Variants in TMC6 observed in about 807,000 individuals in gnomAD.
TMC6 encodes the protein transmembrane channel-like protein 6.
Under a neutral mutation model 95.4 loss-of-function variants are expected in TMC6, and 71 were observed. That is an observed-to-expected ratio of 0.74 (90% CI 0.61 to 0.91). TMC6 has a LOEUF of 0.91. Ranked by LOEUF, TMC6 falls within the 40% of genes least tolerant of loss-of-function variation. TMC6 has a pLI of 0.00. For synonymous variants in TMC6, 514 were observed against 483.1 expected, an observed-to-expected ratio of 1.06 and a Z score of -0.84; for missense variants, 1,074 against 1,079.1, an observed-to-expected ratio of 1.00 and a Z score of 0.07.
chr17:78,120,199 G>T (rs989951893), intron 13 of TMC6: 6 of 282,742 alleles, frequency 2.1e-5, no homozygotes, highest in South Asian at 5.4e-5. Flanking sequence ...TTGCTCTGTC[G>T]CCCGGGCTGG....
upstream of TMC6, chr17:78,131,595 C>A: frequency 6.5e-7 from 1 of 1,546,188 alleles, no homozygotes; most frequent in African/African-American, 1.4e-5. Flanking sequence ...CGAGATGCTG[C>A]TGCCGCGGTC....
In TMC6 at chr17:78,109,387, A is replaced by G. The variant is rs1567975560; in HGVS notation, c.*3761T>C. On this transcript the variant is annotated 3_prime_UTR_variant, in exon 20 of 20. Coordinates refer to ENST00000590602, the MANE Select transcript of TMC6 (RefSeq NM_001127198.5). Reference sequence around the variant, plus strand: ...CTACGCAGGATCCACGTGGAAACAAAGCTGCTTAGCTCTGCATATCAGTGC... The same window carrying G: ...CTACGCAGGATCCACGTGGAAACAAGGCTGCTTAGCTCTGCATATCAGTGC... The G allele has an allele frequency of 2.2e-6, 1 of 450,920 alleles. No individual in the cohort carries two copies. The highest frequency in any genetic ancestry group is 2.4e-5 in the Admixed American group (1 of 41,106). 27.9% of individuals were successfully genotyped at this position (450,920 alleles called of 1,614,324 possible).
At chr17:78,129,535 A>AG (rs1159753721), upstream of TMC6, among the ~76,000 whole-genome samples, 1 of 152,058 alleles carries the variant, frequency 6.6e-6, no homozygotes, top group African/African-American at 2.4e-5. The surrounding 1 kb of genome is among the most constrained non-coding windows in gnomAD (Gnocchi z 4.3). Context: ...TTTGGAAGGG[A>AG]GGGTCATTCC....
At chr17:78,114,226 T>C (rs2073939068) in intron 18 of TMC6, among the ~76,000 whole-genome samples, 1 of 152,190 alleles carries the variant, frequency 6.6e-6, no homozygotes, top group Non-Finnish European at 1.5e-5. Flanking sequence ...TTTCCTCCAC[T>C]TCAAAGCCAG....
At chr17:78,127,083 G>A (rs2145436522) in intron 1 of TMC6, 177 bp from the exon 2 acceptor site, 2 of 599,252 alleles carry the variant, frequency 3.3e-6, no homozygotes, top group Middle Eastern at 9.0e-4. Flanking sequence ...ATGCCAGAAT[G>A]GAATGGGGGG....
At chr17:78,118,041 C>T in intron 15 of TMC6, 106 bp from the exon 16 acceptor site, 4 of 1,533,590 alleles carry the variant, frequency 2.6e-6, no homozygotes, top group Non-Finnish European at 3.5e-6. Context: ...TGCGTCCAGG[C>T]AGAGCCTGGA....
chr17:78,132,274 C>G, upstream of TMC6: 1 of 1,534,008 alleles, frequency 6.5e-7, no homozygotes, highest in Non-Finnish European at 8.9e-7. Context: ...CACCCCACGC[C>G]GTCCGGTGGG....
Position 78,126,861 on chromosome 17 carries a change from G to T in TMC6, c.-29C>A. On this transcript the variant is annotated 5_prime_UTR_variant, in exon 2 of 20. The change creates a new upstream start codon in the 5' untranslated region. Transcript: ENST00000590602. ...TCTGGCCAATGCCCGCTAGTCTGCA[G>T]ACCTAGGGTAGCTCAGAGCCTGGGC... The T allele has an allele frequency of 6.2e-7, 1 of 1,610,164 alleles. No homozygotes were observed. The highest frequency in any genetic ancestry group is 2.2e-5 in the East Asian group (1 of 44,774).
chr17:78,130,955 G>A (rs1360991066), upstream of TMC6: 5 of 166,046 alleles, frequency 3.0e-5, no homozygotes, highest in Non-Finnish European at 5.2e-5. Context: ...CTGTCCCCAC[G>A]GCTGGGGCTG....
rs1249122206 is a variant in TMC6 at position 78,122,945 on chromosome 17, C to CAA, written c.1083-197_1083-196insTT. 23 of 714,226 alleles carry CAA rather than the reference C, an allele frequency of 3.2e-5. No homozygotes were observed. In the East Asian group the frequency reaches 5.7e-4, roughly 18 times the overall value. 44.2% of individuals were successfully genotyped at this position (714,226 alleles called of 1,614,324 possible). On this transcript the variant is annotated intron_variant, in intron 9 of 19. Transcript: ENST00000590602. The surrounding 1 kb of genome is among the most constrained non-coding windows in gnomAD (Gnocchi z 4.9). Reference sequence around the variant, plus strand: ...CCAGTCTCATCCAACATAGCACCCACCAGCCACATCTGCCTAGAAGAGGGG... The same window carrying CAA: ...CCAGTCTCATCCAACATAGCACCCACAACAGCCACATCTGCCTAGAAGAGGGG...
chr17:78,123,982 G>A lies in TMC6; in HGVS notation c.1082+7C>T. 1 of 1,613,690 alleles carries A rather than the reference G, an allele frequency of 6.2e-7. No individual in the cohort carries two copies. ...TCGGAGCCTGGGTCATGAGGTGGAG[G>A]CATTACCTGTACACCAGGGTGATGC... is the stretch of plus-strand genomic sequence containing the variant. On this transcript the variant is annotated splice_region_variant and intron_variant, in intron 9 of 19. Coordinates refer to ENST00000590602, the MANE Select transcript of TMC6 (RefSeq NM_001127198.5).
At chr17:78,126,500 C>G in intron 3 of TMC6, 24 bp downstream of exon 3, 2 of 1,612,646 alleles carry the variant, frequency 1.2e-6, no homozygotes, top group Non-Finnish European at 1.7e-6. Context: ...GTCCACACCA[C>G]CCAGCATCCA....
Position 78,113,148 on chromosome 17 carries a change from C to T in TMC6, c.2418G>A (p.Ter806=). The T allele has an allele frequency of 6.4e-7, 1 of 1,554,164 alleles. No individual in the cohort carries two copies. The highest frequency in any genetic ancestry group is 8.7e-7 in the Non-Finnish European group (1 of 1,148,352). Residue 806 remains the stop codon, a stop_retained_variant, in exon 20 of 20, where the codon TAG becomes TAA. Transcript: ENST00000590602. ...PALLTDEQDA[*] ...GCCCGTGAGGCCCATCGCCGTCCCCCTAGGCATCCTGTTCATCTGTGAGCA... is the reference window on the plus strand; with the variant it reads ...GCCCGTGAGGCCCATCGCCGTCCCCTTAGGCATCCTGTTCATCTGTGAGCA...
upstream of TMC6, chr17:78,132,380 G>C (rs759253214): frequency 2.5e-6 from 4 of 1,612,938 alleles, no homozygotes; most frequent in African/African-American, 1.3e-5. Flanking sequence ...ACAGGAATTC[G>C]GTCCTACTTC....
chr17:78,126,555 C>T lies in TMC6; in HGVS notation c.150G>A (p.Leu50=), dbSNP rs756590153. The part of the protein sequence containing the change: ...EQSQCTAQEG[L]ELQQREREVT... Reference sequence around the variant, plus strand: ...CCTCCCGCTCTCTCTGCTGCAGCTCCAGCCCCTCCTGGGCCGTGCACTGGC... The same window carrying T: ...CCTCCCGCTCTCTCTGCTGCAGCTCTAGCCCCTCCTGGGCCGTGCACTGGC... Residue 50 remains leucine, a synonymous_variant, in exon 3 of 20, where the codon CTG becomes CTA. Transcript: ENST00000590602. 1.9e-6 allele frequency: 3 copies of T among 1,613,788 alleles called. No homozygotes were observed. In the Admixed American group the frequency reaches 5.0e-5, roughly 27 times the overall value.
intron 1 of TMC6, among the ~76,000 whole-genome samples, chr17:78,127,613 C>T (rs1263905945): frequency 2.0e-5 from 3 of 152,226 alleles, no homozygotes; most frequent in Non-Finnish European, 4.4e-5. Flanking sequence ...GCCCTGGGCT[C>T]GGGGCCCGTT....
At chr17:78,116,104 T>C (rs1245345733) in intron 18 of TMC6, among the ~76,000 whole-genome samples, 2 of 152,116 alleles carry the variant, frequency 1.3e-5, no homozygotes, top group East Asian at 3.9e-4. Flanking sequence ...CTCCGCCTCC[T>C]GAGTAGCTGG....
At chr17:78,132,034 G>A (rs2145579224), upstream of TMC6, 1 of 1,534,504 alleles carries the variant, frequency 6.5e-7, no homozygotes, top group South Asian at 1.2e-5. Context: ...ATCGGGGGTA[G>A]GACCCGCGCG....
At chr17:78,125,607 G>A in intron 5 of TMC6, 119 bp downstream of exon 5, 1 of 1,448,604 alleles carries the variant, frequency 6.9e-7, no homozygotes, top group Non-Finnish European at 9.2e-7. Context: ...GCCTGCTAAG[G>A]GATAGGAGAG....
Sources: gnomAD v4.1 joint callset for allele counts (sites outside exome capture counted in the v4.1 genomes callset) on GRCh38, gnomAD v4.1.1 for gene constraint, Gnocchi (gnomAD v3.1) non-coding constraint, MANE v1.5 for transcripts, NCBI Gene and HGNC (gene_info 2026-07-23, HGNC 2026-07-21) for gene names.